The following ABI1 variants were observed in gnomAD, a reference collection of about 807,000 sequenced individuals.
The protein encoded by ABI1 is Abelson interactor 1.
In ABI1, 14 loss-of-function variants were observed where a neutral mutation model predicts 54.6. The observed-to-expected ratio is 0.26, with a 90% CI of 0.17 to 0.40. The LOEUF (loss-of-function observed/expected upper bound fraction) is 0.40, where lower values mean the gene tolerates loss of function less well. Among genes scored for constraint, ABI1 ranks in the 10% least tolerant of loss-of-function variants. ABI1 has a pLI of 1.00. For missense variants in ABI1, 443 were observed against 598.3 expected, an observed-to-expected ratio of 0.74 and a Z score of 2.71; for synonymous variants, 194 against 209.3, an observed-to-expected ratio of 0.93 and a Z score of 0.63.
intron 3 of ABI1, among the ~76,000 whole-genome samples, chr10:26,775,497 A>T (rs1412485932): frequency 6.6e-6 from 1 of 152,000 alleles, no homozygotes; most frequent in African/African-American, 2.4e-5. Context: ...AAAAAAAACC[A>T]AGCCCCCCAA....
rs561531058 is a variant in ABI1 at position 26,746,608 on chromosome 10, T to G, written c.*1962A>C. On this transcript the variant is annotated 3_prime_UTR_variant, in exon 11 of 11. Transcript: ENST00000376140. ...GATATCAAACTTATTGATGGGCAAT[T>G]TATTTTTTTTTATTGCAAAAGTTTT... 3.2e-6 allele frequency: 3 copies of G among 927,286 alleles called. No homozygotes were observed. The highest frequency in any genetic ancestry group is 3.0e-5 in the South Asian group (2 of 66,134). 57.4% of individuals were successfully genotyped at this position (927,286 alleles called of 1,614,324 possible). A position where few individuals can be genotyped will look rare whatever the true frequency, so the allele number is the denominator to read the frequency against.
At chr10:26,775,777 T>G (rs1478615409) in intron 3 of ABI1, among the ~76,000 whole-genome samples, 2 of 152,162 alleles carry the variant, frequency 1.3e-5, no homozygotes, top group Non-Finnish European at 2.9e-5. Flanking sequence ...AGAAAAAATT[T>G]TTAATAAATA....
chr10:26,841,706 G>T (rs141500591), intron 1 of ABI1, among the ~76,000 whole-genome samples: 1 of 150,970 alleles, frequency 6.6e-6, no homozygotes, highest in African/African-American at 2.4e-5. Context: ...GTCTTCCTGT[G>T]TCTGGCTTAT....
chr10:26,793,357 A>G (rs1484209335), intron 2 of ABI1, among the ~76,000 whole-genome samples: 1 of 152,228 alleles, frequency 6.6e-6, no homozygotes, highest in East Asian at 1.9e-4. Flanking sequence ...AATAAGCTTG[A>G]AACAAGGTCC....
At chr10:26,819,217 C>T (rs970433325) in intron 2 of ABI1, among the ~76,000 whole-genome samples, 4 of 151,912 alleles carry the variant, frequency 2.6e-5, no homozygotes, top group African/African-American at 7.2e-5. Flanking sequence ...AGCACCCCCC[C>T]CAAAAAAAAT....
At chr10:26,848,752 G>C (rs2134191915) in intron 1 of ABI1, among the ~76,000 whole-genome samples, 1 of 152,088 alleles carries the variant, frequency 6.6e-6, no homozygotes, top group East Asian at 1.9e-4. Context: ...GGGATTACAG[G>C]CATGTGCCAC....
At chr10:26,758,593 G>A (rs184677565) in intron 8 of ABI1, among the ~76,000 whole-genome samples, 3 of 152,144 alleles carry the variant, frequency 2.0e-5, no homozygotes, top group East Asian at 3.9e-4. Context: ...AGTTTTAATC[G>A]GTTTTGAACT....
At chr10:26,850,475 C>A (rs534396938) in intron 1 of ABI1, among the ~76,000 whole-genome samples, 23 of 151,740 alleles carry the variant, frequency 1.5e-4, no homozygotes, top group African/African-American at 5.1e-4. Flanking sequence ...CTGGCCAACA[C>A]GGTGAAACCC....
At chr10:26,752,449 A>G (rs1290479783) in intron 9 of ABI1, among the ~76,000 whole-genome samples, 1 of 152,178 alleles carries the variant, frequency 6.6e-6, no homozygotes, top group African/African-American at 2.4e-5. Flanking sequence ...GTTTATATTC[A>G]TAATTAGTTT....
At chr10:26,847,459 C>T (rs939951755) in intron 1 of ABI1, among the ~76,000 whole-genome samples, 1 of 151,824 alleles carries the variant, frequency 6.6e-6, no homozygotes, top group African/African-American at 2.4e-5. Flanking sequence ...CTGTCCTTAA[C>T]AAAAAAATAA....
In ABI1 at chr10:26,751,714, G is replaced by A; in HGVS notation, c.1154C>T (p.Pro385Leu). ...DDIPMFDDSP[P>L]PPPPPPVDYE... is the part of the protein sequence containing the mutation. ...ATCCACTGGTGGTGGTGGTGGGGGA[G>A]GTGGAGAGTCATCAAACATGGGAAT... Residue 385 changes from proline to leucine, a missense_variant, in exon 10 of 11, where the codon CCT becomes CTT. Transcript: ENST00000376140. The A allele has an allele frequency of 6.2e-7, 1 of 1,613,938 alleles. No individual in the cohort carries two copies. Among genetic ancestry groups the A allele is most frequent in the Non-Finnish European group, 8.5e-7 (1 of 1,179,950 alleles).
intron 1 of ABI1, among the ~76,000 whole-genome samples, chr10:26,847,624 TA>T (rs926240908): frequency 6.0e-5 from 9 of 150,796 alleles, no homozygotes; most frequent in African/African-American, 1.5e-4. Context: ...ACCCTGTCTT[TA>T]AAAAAAACAA....
At chr10:26,857,320 CAAAAAAAAAAAA>C (rs71403897) in intron 1 of ABI1, among the ~76,000 whole-genome samples, 6 of 75,968 alleles carry the variant, frequency 7.9e-5, no homozygotes, top group Admixed American at 3.4e-4. Context: ...GACTCCATCT[CAAAAAAAAAAAA>C]AAAAAAAAAA....
Position 26,860,843 on chromosome 10 carries a change from T to A in ABI1, c.21A>T (p.Leu7Phe), listed in dbSNP as rs201126139. MAELQMLLEEEIPSGKR... is the reference protein window; with the variant it reads MAELQMFLEEEIPSGKR... ...TGCCAGACGGGATCTCCTCCTCTAG[T>A]AACATCTGCAGCTCTGCCATTTTCC... The change falls in exon 1 of 11, where the codon TTA becomes TTT. Residue 7 changes from leucine (L) to phenylalanine (F), a missense_variant. Leu to Phe is a conservative substitution (Grantham distance 22). This residue lies in a region of ABI1 where 394 missense variants were observed against 484.8 expected (regional missense o/e 0.81). Coordinates refer to ENST00000376140, the MANE Select transcript of ABI1 (RefSeq NM_001012750.3). The surrounding 1 kb of genome is among the most constrained non-coding windows in gnomAD (Gnocchi z 4.1). 1.2e-6 allele frequency: 2 copies of A among 1,614,098 alleles called. No homozygotes were observed. The highest frequency in any genetic ancestry group is 2.2e-5 in the East Asian group (1 of 44,874).
intron 1 of ABI1, among the ~76,000 whole-genome samples, chr10:26,857,275 C>T (rs1162580017): frequency 1.5e-5 from 2 of 135,570 alleles, no homozygotes; most frequent in South Asian, 2.3e-4. Flanking sequence ...GAGCCAAGAT[C>T]GCACCATTGC....
At chr10:26,832,665 T>C (rs2048763436) in intron 1 of ABI1, among the ~76,000 whole-genome samples, 1 of 152,178 alleles carries the variant, frequency 6.6e-6, no homozygotes, top group Non-Finnish European at 1.5e-5. Flanking sequence ...CAGGTTTTAA[T>C]ACCTGTTGCA....
At position 26,853,412 on chromosome 10, in the gene ABI1, C is replaced by A. The variant is rs77180624; in HGVS notation, c.117+7335G>T. Among the ~76,000 whole-genome samples, 740 of 150,942 alleles carry A rather than the reference C, an allele frequency of 4.9e-3. 6 individuals carry two copies. The highest frequency in any genetic ancestry group is 0.017 in the African/African-American group (711 of 41,112). On this transcript the variant is annotated intron_variant, in intron 1 of 10. Transcript: ENST00000376140. ...GACTATTATTTCTTCTACAATCAAA[C>A]CATAATTTCAATAAATATTACAATC...
chr10:26,831,250 A>T lies in ABI1; in HGVS notation c.118-7945T>A, dbSNP rs1256595394. ...TCTCCAACTTCCAAAAAAAAAAAAT[A>T]CAAAACATGTGGCTGGGCATGGTGG... On this transcript the variant is annotated intron_variant, in intron 1 of 10. Transcript: ENST00000376140. Among the ~76,000 whole-genome samples the T allele has an allele frequency of 2.6e-5, 4 of 151,902 alleles. No homozygotes were observed. The East Asian group carries it at 7.7e-4, about 29-fold the overall frequency.
rs535283866 is a variant in ABI1 at position 26,858,438 on chromosome 10, T to C, written c.117+2309A>G. Among the ~76,000 whole-genome samples, 8 of 150,868 alleles carry C rather than the reference T, an allele frequency of 5.3e-5. No individual in the cohort carries two copies. The South Asian group carries it at 1.5e-3, about 28-fold the overall frequency. On this transcript the variant is annotated intron_variant, in intron 1 of 10. Coordinates refer to ENST00000376140, the MANE Select transcript of ABI1 (RefSeq NM_001012750.3). Reference sequence around the variant, plus strand: ...GGCTACTAAGGTATTTAGATAATCATTGCTTTGCGTGAATTCTTTTTTTTT... The same window carrying C: ...GGCTACTAAGGTATTTAGATAATCACTGCTTTGCGTGAATTCTTTTTTTTT...
Sources: gnomAD v4.1 joint callset for allele counts (sites outside exome capture counted in the v4.1 genomes callset) on GRCh38, gnomAD v4.1.1 for gene constraint, gnomAD v4.1.1 regional missense constraint, Gnocchi (gnomAD v3.1) non-coding constraint, MANE v1.5 for transcripts, NCBI Gene and HGNC (gene_info 2026-07-23, HGNC 2026-07-21) for gene names.